RNF217: variants seen among roughly 807,000 people sequenced by gnomAD.
RNF217 encodes ring finger protein 217, also known as E3 ubiquitin-protein ligase RNF217.
RNF217 carries 31 observed loss-of-function variants against 57.8 expected under a neutral mutation model. The ratio of observed to expected loss-of-function variants is 0.54; its 90% CI spans 0.40 to 0.72. RNF217 has a LOEUF of 0.72. Ranked by LOEUF, RNF217 falls within the 30% of genes least tolerant of loss-of-function variation. The probability of loss-of-function intolerance (pLI) is 0.00; values close to 1 mark genes in which losing one functional copy is unlikely to be tolerated. For synonymous variants in RNF217, 313 were observed against 294.0 expected, an observed-to-expected ratio of 1.06 and a Z score of -0.66; for missense variants, 696 against 708.3, an observed-to-expected ratio of 0.98 and a Z score of 0.20.
intron 1 of RNF217, among the ~76,000 whole-genome samples, chr6:124,987,735 G>A (rs145733220): frequency 2.2e-4 from 34 of 152,100 alleles, no homozygotes; most frequent in Middle Eastern, 3.4e-3. Flanking sequence ...CTCAACCCGT[G>A]GAATAGCTGG....
intron 1 of RNF217, among the ~76,000 whole-genome samples, chr6:125,016,293 G>T (rs1200424108): frequency 6.6e-6 from 1 of 152,130 alleles, no homozygotes; most frequent in Non-Finnish European, 1.5e-5. Flanking sequence ...TAGAGCACTC[G>T]AATTTTACCG....
intron 3 of RNF217, among the ~76,000 whole-genome samples, chr6:125,068,724 A>G (rs1364843922): frequency 1.3e-5 from 2 of 152,222 alleles, no homozygotes; most frequent in Admixed American, 1.3e-4. Flanking sequence ...CAAAGTAATT[A>G]TTTGTTGAAT....
chr6:125,028,757 T>A (rs1401004414), intron 1 of RNF217, among the ~76,000 whole-genome samples: 1 of 152,104 alleles, frequency 6.6e-6, no homozygotes, highest in Non-Finnish European at 1.5e-5. Context: ...AAGAGCTTTT[T>A]AAAATAAGGT....
intron 3 of RNF217, among the ~76,000 whole-genome samples, chr6:125,070,308 A>G (rs1321812487): frequency 6.6e-6 from 1 of 152,170 alleles, no homozygotes; most frequent in Non-Finnish European, 1.5e-5. Flanking sequence ...TTGTGCTGCT[A>G]TAAACATGTG....
chr6:125,031,908 G>T (rs1562477510), intron 1 of RNF217, among the ~76,000 whole-genome samples: 1 of 152,130 alleles, frequency 6.6e-6, no homozygotes, highest in Admixed American at 6.5e-5. Context: ...ACACAAGACT[G>T]GGAAGAAAAA....
rs925034683 is a variant in RNF217, at chr6:125,087,118, C to T, written c.*4181C>T. 6.6e-6 allele frequency: 1 copy of T among 152,100 alleles called. No homozygotes were observed. The highest frequency in any genetic ancestry group is 2.4e-5 in the African/African-American group (1 of 41,432). 9.4% of individuals were successfully genotyped at this position (152,100 alleles called of 1,614,324 possible). ...ATGTGGGAAACATTAGAATTCCTTCCTGACCTTTGTCAAATGAGGGCACAT... is the reference window on the plus strand; with the variant it reads ...ATGTGGGAAACATTAGAATTCCTTCTTGACCTTTGTCAAATGAGGGCACAT... On this transcript the variant is annotated 3_prime_UTR_variant, in exon 6 of 6. Coordinates refer to ENST00000521654, the MANE Select transcript of RNF217 (RefSeq NM_001286398.3).
In RNF217 at chr6:125,089,539, C is replaced by T. The variant is rs1206909193; in HGVS notation, c.*6602C>T. 6.6e-6 allele frequency: 1 copy of T among 151,906 alleles called. No individual in the cohort carries two copies. The highest frequency in any genetic ancestry group is 2.4e-5 in the African/African-American group (1 of 41,314). The allele number at this position is 151,906 out of a possible 1,614,324, so 9.4% of individuals were successfully genotyped here. A position where few individuals can be genotyped will look rare whatever the true frequency, so the allele number is the denominator to read the frequency against. ...CACATTGAATGTAACTGATATTAACCCTATTCTAGAGAAAACATTTGTCAT... is the reference window on the plus strand; with the variant it reads ...CACATTGAATGTAACTGATATTAACTCTATTCTAGAGAAAACATTTGTCAT... On this transcript the variant is annotated 3_prime_UTR_variant, in exon 6 of 6. Coordinates refer to ENST00000521654, the MANE Select transcript of RNF217 (RefSeq NM_001286398.3).
At chr6:125,069,956 C>T (rs2114623043) in intron 3 of RNF217, among the ~76,000 whole-genome samples, 1 of 152,148 alleles carries the variant, frequency 6.6e-6, no homozygotes, top group South Asian at 2.1e-4. Flanking sequence ...CACCCATTAT[C>T]CGAGCAGTGT....
chr6:125,002,700 G>A (rs1180859922), intron 1 of RNF217, among the ~76,000 whole-genome samples: 2 of 152,040 alleles, frequency 1.3e-5, no homozygotes, highest in African/African-American at 4.8e-5. Context: ...CTTTCTGATA[G>A]TGTCCGTGTG....
At chr6:125,022,499 C>G (rs896229210) in intron 1 of RNF217, among the ~76,000 whole-genome samples, 1 of 152,152 alleles carries the variant, frequency 6.6e-6, no homozygotes, top group Non-Finnish European at 1.5e-5. Flanking sequence ...CATCTCTGCC[C>G]TTTTTCTTTC....
At position 124,962,565 on chromosome 6, in the gene RNF217, G is replaced by T. The variant is rs545128331; in HGVS notation, c.21G>T (p.Thr7=). 1.6e-6 allele frequency: 2 copies of T among 1,255,948 alleles called. No individual in the cohort carries two copies. The highest frequency in any genetic ancestry group is 1.0e-6 in the Non-Finnish European group (1 of 1,004,700). 77.8% of individuals were successfully genotyped at this position (1,255,948 alleles called of 1,614,324 possible). A position where few individuals can be genotyped will look rare whatever the true frequency, so the allele number is the denominator to read the frequency against. Reference sequence around the variant, plus strand: ...CGGCGATGGGCGAGGAGCAGAGCACGGTGAGCGGCGGCGGCGGGCCCCAGG... The same window carrying T: ...CGGCGATGGGCGAGGAGCAGAGCACTGTGAGCGGCGGCGGCGGGCCCCAGG... The part of the protein sequence containing the change: MGEEQS[T]VSGGGGPQES... The change falls in exon 1 of 6, where the codon ACG becomes ACT. Residue 7 remains threonine (T), a synonymous_variant. Transcript: ENST00000521654. The surrounding 1 kb of genome is among the most constrained non-coding windows in gnomAD (Gnocchi z 4.6).
chr6:125,036,395 A>G (rs944913421), intron 1 of RNF217, among the ~76,000 whole-genome samples: 3 of 152,216 alleles, frequency 2.0e-5, no homozygotes, highest in Admixed American at 6.5e-5. Context: ...ATACGTGTGC[A>G]TGTGTCTTTA....
At chr6:125,055,249 A>G (rs1004876880) in intron 2 of RNF217, among the ~76,000 whole-genome samples, 5 of 152,140 alleles carry the variant, frequency 3.3e-5, no homozygotes, top group Admixed American at 6.6e-5. Context: ...GTATGAGTTT[A>G]ACTTATTTGT....
intron 1 of RNF217, among the ~76,000 whole-genome samples, chr6:125,019,194 G>T (rs1785729198): frequency 6.6e-6 from 1 of 152,170 alleles, no homozygotes; most frequent in South Asian, 2.1e-4. Flanking sequence ...CGAGGAGGTT[G>T]TACACCATTT....
At chr6:125,068,551 C>A (rs891464388) in intron 3 of RNF217, among the ~76,000 whole-genome samples, 1 of 152,174 alleles carries the variant, frequency 6.6e-6, no homozygotes, top group African/African-American at 2.4e-5. Flanking sequence ...CACCTATAAG[C>A]TCCTTAAGGG....
At chr6:124,963,493 A>C (rs534460498) in intron 1 of RNF217, 67 bp downstream of exon 1, 1 of 1,423,880 alleles carries the variant, frequency 7.0e-7, no homozygotes, top group African/African-American at 1.4e-5. Context: ...CCTGCTCTCG[A>C]TCTGATCTCC....
At chr6:125,007,104 C>T (rs968048449) in intron 1 of RNF217, among the ~76,000 whole-genome samples, 3 of 152,166 alleles carry the variant, frequency 2.0e-5, no homozygotes, top group African/African-American at 7.2e-5. Flanking sequence ...TTGTCTTCAG[C>T]TGTATCTAGT....
intron 4 of RNF217, 94 bp from the exon 5 acceptor site, chr6:125,081,342 A>G: frequency 2.3e-6 from 2 of 885,406 alleles, no homozygotes; most frequent in Non-Finnish European, 3.6e-6. Flanking sequence ...TACTTAAAAA[A>G]TAATATACAC....
chr6:124,987,901 T>C (rs750792248), intron 1 of RNF217, among the ~76,000 whole-genome samples: 4 of 152,184 alleles, frequency 2.6e-5, no homozygotes, highest in Non-Finnish European at 4.4e-5. Flanking sequence ...TGATTTTAGA[T>C]TGGATTAATT....
Sources: gnomAD v4.1 joint callset for allele counts (sites outside exome capture counted in the v4.1 genomes callset) on GRCh38, gnomAD v4.1.1 for gene constraint, Gnocchi (gnomAD v3.1) non-coding constraint, MANE v1.5 for transcripts, NCBI Gene and HGNC (gene_info 2026-07-23, HGNC 2026-07-21) for gene names.